MDGA2: variants seen among roughly 807,000 people sequenced by gnomAD.
MDGA2 encodes MAM domain containing glycosylphosphatidylinositol anchor 2.
MDGA2 carries 40 observed loss-of-function variants against 117.8 expected under a neutral mutation model. The ratio of observed to expected loss-of-function variants is 0.34; its 90% CI spans 0.26 to 0.44. The LOEUF (loss-of-function observed/expected upper bound fraction) is 0.44. MDGA2 is among the 20% of genes least tolerant of loss of function. The probability of loss-of-function intolerance (pLI) is 1.00; values close to 1 mark genes in which losing one functional copy is unlikely to be tolerated. For missense variants in MDGA2, 1,123 were observed against 1,250.6 expected, an observed-to-expected ratio of 0.90 and a Z score of 1.54; for synonymous variants, 452 against 439.0, an observed-to-expected ratio of 1.03 and a Z score of -0.37.
chr14:47,141,628 C>T (rs1290266302), intron 4 of MDGA2, among the ~76,000 whole-genome samples: 2 of 152,054 alleles, frequency 1.3e-5, no homozygotes, highest in Non-Finnish European at 2.9e-5. Flanking sequence ...TACAGAAAGA[C>T]AAATACTATA....
chr14:47,235,424 C>T (rs1234995794), intron 2 of MDGA2, among the ~76,000 whole-genome samples: 1 of 152,154 alleles, frequency 6.6e-6, no homozygotes, highest in African/African-American at 2.4e-5. Flanking sequence ...ATGTGAACAA[C>T]TAATGGCAAT....
At position 46,841,989 on chromosome 14, in the gene MDGA2, A is replaced by C; in HGVS notation, c.3020T>G (p.Val1007Gly). 3 of 1,612,578 alleles carry C rather than the reference A, an allele frequency of 1.9e-6. No homozygotes were observed. Among genetic ancestry groups the C allele is most frequent in the Non-Finnish European group, 2.5e-6 (3 of 1,179,020 alleles). ...NSVDGAVGIL[V>G]HIWLFPIIVL... is the part of the protein sequence containing the mutation. ...GATAATGGGAAAAAGCCATATATGA[A>C]CCAAAATCCCAACAGCACCATCAAC... Residue 1007 changes from valine (V) to glycine (G), a missense_variant, in exon 17 of 17, where the codon GTT becomes GGT. By Grantham distance (109) the Val-to-Gly change is moderately radical. Around this residue, in one of 2 missense-constraint regions of MDGA2, gnomAD observed 890 missense variants for 1,050.3 expected, o/e 0.85. Coordinates refer to ENST00000399232, the MANE Select transcript of MDGA2 (RefSeq NM_001113498.3).
chr14:47,183,680 T>C (rs897416844), intron 3 of MDGA2, among the ~76,000 whole-genome samples: 2 of 152,066 alleles, frequency 1.3e-5, no homozygotes, highest in Non-Finnish European at 2.9e-5. Context: ...GCGCAAAACA[T>C]ACACACAAAC....
chr14:46,868,405 T>G (rs747373396), intron 14 of MDGA2, among the ~76,000 whole-genome samples: 2 of 151,820 alleles, frequency 1.3e-5, no homozygotes, highest in African/African-American at 2.4e-5. Flanking sequence ...TCATTTCTAC[T>G]CCCATCAAGC....
intron 16 of MDGA2, among the ~76,000 whole-genome samples, chr14:46,842,535 A>C (rs1594987893): frequency 6.6e-6 from 1 of 152,170 alleles, no homozygotes; most frequent in East Asian, 1.9e-4. Flanking sequence ...AAATTATACA[A>C]ATAATTTTCT....
intron 1 of MDGA2, among the ~76,000 whole-genome samples, chr14:47,517,328 C>T (rs2138705422): frequency 6.6e-6 from 1 of 152,050 alleles, no homozygotes; most frequent in East Asian, 1.9e-4. Context: ...AAAATATATC[C>T]TTCAGTAAAA....
At chr14:47,583,473 T>C (rs958071957) in intron 1 of MDGA2, among the ~76,000 whole-genome samples, 3 of 151,920 alleles carry the variant, frequency 2.0e-5, no homozygotes, top group African/African-American at 4.8e-5. Context: ...CTTTGGGATG[T>C]TGAATAATCA....
intron 7 of MDGA2, among the ~76,000 whole-genome samples, chr14:47,043,441 C>T (rs1889147883): frequency 2.0e-5 from 3 of 152,050 alleles, no homozygotes; most frequent in Non-Finnish European, 4.4e-5. Flanking sequence ...ATATGCAGAA[C>T]TTCCCTGAGC....
intron 1 of MDGA2, among the ~76,000 whole-genome samples, chr14:47,556,843 G>A (rs528625707): frequency 7.4e-4 from 112 of 152,238 alleles, no homozygotes; most frequent in African/African-American, 2.4e-3. Flanking sequence ...GGGATGTTTA[G>A]TATCTTTATG....
At chr14:47,450,278 T>A (rs1243739040) in intron 1 of MDGA2, among the ~76,000 whole-genome samples, 5 of 151,978 alleles carry the variant, frequency 3.3e-5, no homozygotes. Flanking sequence ...TTGTCACTTT[T>A]CTCTCTTTAT....
At chr14:47,453,209 T>A (rs1471669199) in intron 1 of MDGA2, among the ~76,000 whole-genome samples, 1 of 152,086 alleles carries the variant, frequency 6.6e-6, no homozygotes, top group African/African-American at 2.4e-5. Context: ...GGCTACCTTT[T>A]CAAGTATGAT....
At chr14:47,318,282 C>T (rs1016079156) in intron 1 of MDGA2, among the ~76,000 whole-genome samples, 1 of 152,098 alleles carries the variant, frequency 6.6e-6, no homozygotes, top group African/African-American at 2.4e-5. Context: ...TCTTCTTCTG[C>T]TTCCTCAGGG....
chr14:46,964,773 G>A (rs1255931950), intron 8 of MDGA2, among the ~76,000 whole-genome samples: 1 of 151,978 alleles, frequency 6.6e-6, no homozygotes, highest in South Asian at 2.1e-4. Context: ...TTGCTGTCAA[G>A]TTATATTTGT....
chr14:47,496,068 A>G (rs1437711765), intron 1 of MDGA2, among the ~76,000 whole-genome samples: 1 of 152,094 alleles, frequency 6.6e-6, no homozygotes, highest in African/African-American at 2.4e-5. Context: ...TAATTAAAAT[A>G]TATTTTTTCA....
intron 1 of MDGA2, among the ~76,000 whole-genome samples, chr14:47,330,129 A>G (rs1336770949): frequency 6.6e-6 from 1 of 152,004 alleles, no homozygotes; most frequent in African/African-American, 2.4e-5. Flanking sequence ...ATATTTCACA[A>G]GTAGCAATTT....
rs556850276 is a variant in MDGA2 at position 47,111,962 on chromosome 14, A to G, written c.926-14839T>C. Among the ~76,000 whole-genome samples the G allele has an allele frequency of 3.9e-5, 6 of 152,280 alleles. No individual in the cohort carries two copies. In the East Asian group the frequency reaches 1.2e-3, roughly 29 times the overall value. On this transcript the variant is annotated intron_variant, in intron 5 of 16. Coordinates refer to ENST00000399232, the MANE Select transcript of MDGA2 (RefSeq NM_001113498.3). ...AAAATTACATAGTTCTCCAAGGAAG[A>G]GCCTGACAAGGATGTAGATTGTCTG...
At chr14:47,013,918 C>G (rs1566574773) in intron 8 of MDGA2, among the ~76,000 whole-genome samples, 4 of 150,854 alleles carry the variant, frequency 2.7e-5, no homozygotes, top group African/African-American at 9.7e-5. Context: ...GCCTCAGCCA[C>G]CCAAGTACCT....
intron 1 of MDGA2, among the ~76,000 whole-genome samples, chr14:47,461,460 C>T (rs563062928): frequency 6.6e-6 from 1 of 152,124 alleles, no homozygotes; most frequent in Admixed American, 6.6e-5. Flanking sequence ...CAACGAAGAA[C>T]ATGTCTTAGT....
chr14:47,189,261 C>T (rs910342557), intron 3 of MDGA2, among the ~76,000 whole-genome samples: 3 of 152,038 alleles, frequency 2.0e-5, no homozygotes, highest in African/African-American at 4.8e-5. Context: ...CACAAACACA[C>T]GCTAAACTAT....
Sources: allele counts gnomAD v4.1 joint callset (sites outside exome capture counted in the v4.1 genomes callset), GRCh38; gene constraint gnomAD v4.1.1; regional missense constraint gnomAD v4.1.1; transcripts MANE v1.5; gene names NCBI Gene and HGNC (gene_info 2026-07-23, HGNC 2026-07-21).